SGPP2: variants seen among roughly 807,000 people sequenced by gnomAD.
SGPP2 encodes the protein sphingosine-1-phosphate phosphatase 2.
Under a neutral mutation model 33.9 loss-of-function variants are expected in SGPP2, and 30 were observed. The ratio of observed to expected loss-of-function variants is 0.89; its 90% CI spans 0.66 to 1.20. The LOEUF (loss-of-function observed/expected upper bound fraction) is 1.20. SGPP2 is among the 50% of genes most tolerant of loss of function. SGPP2 has a pLI of 0.00. For synonymous variants in SGPP2, 233 were observed against 225.0 expected (o/e 1.04, Z -0.32); for missense variants, 458 against 532.1 (o/e 0.86, Z 1.37).
At chr2:222,451,199 C>T (rs1574837371) in intron 1 of SGPP2, among the ~76,000 whole-genome samples, 1 of 148,132 alleles carries the variant, frequency 6.8e-6, no homozygotes, top group South Asian at 2.1e-4. Context: ...CCACTAAAAC[C>T]AAACTTTCCA....
intron 4 of SGPP2, among the ~76,000 whole-genome samples, chr2:222,545,951 G>A (rs1689187836): frequency 6.6e-6 from 1 of 152,110 alleles, no homozygotes. Flanking sequence ...CACGCTGATT[G>A]GATACAGCGA....
intron 4 of SGPP2, among the ~76,000 whole-genome samples, chr2:222,529,146 T>A (rs1389725312): frequency 4.6e-5 from 7 of 152,232 alleles, no homozygotes; most frequent in Admixed American, 2.6e-4. Context: ...TGTAATATTC[T>A]GTCCTTTCTT....
intron 1 of SGPP2, among the ~76,000 whole-genome samples, chr2:222,461,190 T>G (rs1206862069): frequency 1.3e-5 from 2 of 152,250 alleles, no homozygotes; most frequent in Non-Finnish European, 2.9e-5. Flanking sequence ...ACATGCTGTG[T>G]GCCTGATGGG....
intron 1 of SGPP2, among the ~76,000 whole-genome samples, chr2:222,444,490 A>T (rs1364501155): frequency 6.6e-6 from 1 of 152,238 alleles, no homozygotes; most frequent in Non-Finnish European, 1.5e-5. Context: ...TCAAGTGGAT[A>T]CAATGTGCCA....
In SGPP2 at chr2:222,561,531, A is replaced by C. The variant is rs1173142082; in HGVS notation, c.*2633A>C. On this transcript the variant is annotated 3_prime_UTR_variant, in exon 5 of 5. Coordinates refer to ENST00000321276, the MANE Select transcript of SGPP2 (RefSeq NM_152386.4). Reference sequence around the variant, plus strand: ...CTCATATATATGATATATATATATCATTTTATATATATATATATATCATAT... The same window carrying C: ...CTCATATATATGATATATATATATCCTTTTATATATATATATATATCATAT... 2.2e-5 allele frequency among the ~76,000 whole-genome samples: 3 copies of C among 137,040 alleles called. No individual in the cohort carries two copies. Among genetic ancestry groups the C allele is most frequent in the Non-Finnish European group, 1.6e-5 (1 of 61,594 alleles). The allele number at this position is 137,040 out of a possible 152,430, so 89.9% of individuals were successfully genotyped here.
At chr2:222,479,646 G>A (rs534024641) in intron 2 of SGPP2, among the ~76,000 whole-genome samples, 2 of 151,530 alleles carry the variant, frequency 1.3e-5, no homozygotes, top group Admixed American at 1.3e-4. Context: ...CTCATGATCC[G>A]CCCACCTCAG....
intron 1 of SGPP2, among the ~76,000 whole-genome samples, chr2:222,440,111 G>C (rs1697302228): frequency 6.6e-6 from 1 of 152,152 alleles, no homozygotes; most frequent in Admixed American, 6.5e-5. Context: ...GGCATTATTT[G>C]TACTTTCTGC....
chr2:222,489,782 A>G (rs1328876819), intron 2 of SGPP2, among the ~76,000 whole-genome samples: 1 of 152,128 alleles, frequency 6.6e-6, no homozygotes, highest in African/African-American at 2.4e-5. Flanking sequence ...CCTGACCAAC[A>G]TGGAGAAACC....
chr2:222,527,177 T>C (rs1698771833), intron 4 of SGPP2, among the ~76,000 whole-genome samples: 1 of 152,144 alleles, frequency 6.6e-6, no homozygotes, highest in South Asian at 2.1e-4. Flanking sequence ...AGATTAGGCC[T>C]GTCATCCAGA....
intron 1 of SGPP2, chr2:222,453,000 A>C: frequency 6.3e-7 from 1 of 1,586,020 alleles, no homozygotes; most frequent in Non-Finnish European, 8.7e-7. Flanking sequence ...GGTGGAAGAG[A>C]ACACAGTTCT....
At chr2:222,431,764 G>T (rs568963199) in intron 1 of SGPP2, among the ~76,000 whole-genome samples, 1 of 152,332 alleles carries the variant, frequency 6.6e-6, no homozygotes, top group East Asian at 1.9e-4. Context: ...CAGGCAGGAA[G>T]AGGTTGAGGG....
At chr2:222,473,620 C>T (rs1308958493) in intron 1 of SGPP2, among the ~76,000 whole-genome samples, 2 of 152,096 alleles carry the variant, frequency 1.3e-5, no homozygotes, top group African/African-American at 4.8e-5. Flanking sequence ...AGGGTGACTA[C>T]AGTTAAGAAT....
intron 2 of SGPP2, among the ~76,000 whole-genome samples, chr2:222,516,675 T>C (rs1030934892): frequency 6.6e-6 from 1 of 152,150 alleles, no homozygotes; most frequent in African/African-American, 2.4e-5. Context: ...ACCATTTTTG[T>C]TTCCTCCAGA....
chr2:222,468,764 T>C (rs1160865646), intron 1 of SGPP2, among the ~76,000 whole-genome samples: 1 of 152,248 alleles, frequency 6.6e-6, no homozygotes, highest in Non-Finnish European at 1.5e-5. Flanking sequence ...TCTTCCACCA[T>C]GCAGTCAATC....
Position 222,467,144 on chromosome 2 carries a change from G to T in SGPP2, c.220-7424G>T, listed in dbSNP as rs151086258. ...TGATCCTAAAGCTACTCACAGTGAGGTCCACGGGCCAGCAACATGGCAACG... is the reference window on the plus strand; with the variant it reads ...TGATCCTAAAGCTACTCACAGTGAGTTCCACGGGCCAGCAACATGGCAACG... On this transcript the variant is annotated intron_variant, in intron 1 of 4. Transcript: ENST00000321276. Among the ~76,000 whole-genome samples the T allele has an allele frequency of 5.6e-3, 857 of 152,244 alleles. 8 individuals are homozygous for T. Among genetic ancestry groups the T allele is most frequent in the African/African-American group, 0.02 (815 of 41,530 alleles).
At chr2:222,498,498 A>G (rs1559161592) in intron 2 of SGPP2, 1 of 152,080 alleles carries the variant, frequency 6.6e-6, no homozygotes, top group Non-Finnish European at 1.5e-5. Context: ...CTCAACAGGC[A>G]TCATTCATTC....
At chr2:222,473,001 G>A (rs570982411) in intron 1 of SGPP2, among the ~76,000 whole-genome samples, 18 of 152,140 alleles carry the variant, frequency 1.2e-4, no homozygotes, top group African/African-American at 3.6e-4. Flanking sequence ...GTGACAGAGC[G>A]AGACTCGGTC....
chr2:222,523,250 T>C (rs1242653033), intron 3 of SGPP2, among the ~76,000 whole-genome samples: 2 of 152,198 alleles, frequency 1.3e-5, no homozygotes, highest in Admixed American at 1.3e-4. Context: ...TGACTAGATA[T>C]CATCTTTTGT....
Position 222,558,906 on chromosome 2 carries a change from A to G in SGPP2, c.*8A>G, listed in dbSNP as rs373244868. 37 of 1,594,910 alleles carry G rather than the reference A, an allele frequency of 2.3e-5. No individual in the cohort carries two copies. The African/African-American group carries it at 4.8e-4, about 21-fold the overall frequency. ...TTTCTGGGATTACCCTGAGTCTCAA[A>G]CAGTTGGAAACTAGCCCACTGGACA... On this transcript the variant is annotated 3_prime_UTR_variant, in exon 5 of 5. Transcript: ENST00000321276.
Sources: allele counts gnomAD v4.1 joint callset (sites outside exome capture counted in the v4.1 genomes callset), GRCh38; gene constraint gnomAD v4.1.1; transcripts MANE v1.5; gene names NCBI Gene and HGNC (gene_info 2026-07-23, HGNC 2026-07-21).